Variants in PGM2L1 observed in about 807,000 individuals in gnomAD.
The protein encoded by PGM2L1 is glucose 1,6-bisphosphate synthase.
In PGM2L1, 35 loss-of-function variants were observed where a neutral mutation model predicts 73.4. The ratio of observed to expected loss-of-function variants is 0.48; its 90% CI spans 0.36 to 0.63. The LOEUF is 0.63. PGM2L1 is among the 30% of genes least tolerant of loss of function. PGM2L1 has a pLI of 0.00. For synonymous variants in PGM2L1, 225 were observed against 253.8 expected (o/e 0.89, Z 1.08); for missense variants, 570 against 742.0 (o/e 0.77, Z 2.69).
chr11:74,350,909 G>A (rs1178568481), intron 6 of PGM2L1, among the ~76,000 whole-genome samples: 2 of 142,970 alleles, frequency 1.4e-5, no homozygotes, highest in African/African-American at 2.9e-5. Context: ...GAGAGAGAGA[G>A]AGAGAGAGAA....
At chr11:74,345,941 C>T (rs889097389) in intron 8 of PGM2L1, among the ~76,000 whole-genome samples, 1 of 151,872 alleles carries the variant, frequency 6.6e-6, no homozygotes, top group Non-Finnish European at 1.5e-5. Context: ...ACATTTGTCA[C>T]ATTATAATGG....
chr11:74,365,393 C>G (rs1165385100), intron 5 of PGM2L1, among the ~76,000 whole-genome samples: 3 of 151,182 alleles, frequency 2.0e-5, no homozygotes, highest in Non-Finnish European at 4.4e-5. Context: ...AGAGCTTCTG[C>G]ACAGCAAAAT....
chr11:74,365,634 G>A (rs1862643574), intron 5 of PGM2L1, among the ~76,000 whole-genome samples: 1 of 152,160 alleles, frequency 6.6e-6, no homozygotes, highest in African/African-American at 2.4e-5. Flanking sequence ...CTGGCCATCA[G>A]AGAAATGCAA....
chr11:74,349,764 T>C (rs1465498716), intron 6 of PGM2L1, among the ~76,000 whole-genome samples: 3 of 152,180 alleles, frequency 2.0e-5, no homozygotes, highest in Non-Finnish European at 4.4e-5. Context: ...TTCACTTCTC[T>C]TAAACTAAAA....
intron 7 of PGM2L1, 144 bp downstream of exon 7, chr11:74,347,004 A>G (rs1051835800): frequency 1.1e-6 from 1 of 949,560 alleles, no homozygotes; most frequent in African/African-American, 1.7e-5. Flanking sequence ...CAAACAAAAC[A>G]CAGCCTATTA....
intron 5 of PGM2L1, chr11:74,355,360 C>T: frequency 3.0e-6 from 2 of 669,160 alleles, no homozygotes; most frequent in Non-Finnish European, 5.5e-6. Flanking sequence ...TCAACAGCAG[C>T]CTGGCCAATG....
In PGM2L1 at chr11:74,342,922, T is replaced by C. The variant is rs200719379; in HGVS notation, c.1405A>G (p.Ile469Val). The C allele has an allele frequency of 3.3e-5, 53 of 1,610,262 alleles. No individual in the cohort carries two copies. In the South Asian group the frequency reaches 3.5e-4, roughly 11 times the overall value. ...EMASYLETMN[I>V]TLKQQLVKVY... ...TTAACCAGTTGCTGTTTCAATGTTA[T>C]ATTCATGGTTTCCAGGTAAGATGCC... Residue 469 changes from isoleucine (I) to valine (V), a missense_variant, in exon 11 of 14, where the codon ATA becomes GTA. By Grantham distance (29) the Ile-to-Val change is conservative. Transcript: ENST00000298198.
At chr11:74,375,700 A>G in intron 1 of PGM2L1, among the ~76,000 whole-genome samples, 1 of 152,320 alleles carries the variant, frequency 6.6e-6, no homozygotes, top group Non-Finnish European at 1.5e-5. Flanking sequence ...TAAAGTAACC[A>G]GAGTACATGG....
chr11:74,390,868 G>A (rs1015043384), intron 1 of PGM2L1, among the ~76,000 whole-genome samples: 7 of 152,126 alleles, frequency 4.6e-5, no homozygotes, highest in African/African-American at 1.7e-4. Context: ...GACAAATATT[G>A]TATGATGCCA....
intron 8 of PGM2L1, among the ~76,000 whole-genome samples, chr11:74,346,206 G>A (rs972210995): frequency 1.4e-5 from 2 of 138,990 alleles, no homozygotes; most frequent in East Asian, 4.5e-4. Flanking sequence ...AGAGGCTGCA[G>A]TGAGCCAAGA....
intron 1 of PGM2L1, among the ~76,000 whole-genome samples, chr11:74,396,057 G>A (rs985783400): frequency 2.0e-5 from 3 of 151,692 alleles, no homozygotes; most frequent in African/African-American, 7.3e-5. Context: ...TTCAAGACAA[G>A]CCTGGGCAAC....
chr11:74,371,853 G>A (rs1411493678), intron 2 of PGM2L1, 36 bp from the exon 3 acceptor site: 1 of 1,477,326 alleles, frequency 6.8e-7, no homozygotes, highest in African/African-American at 1.4e-5. Flanking sequence ...AGTTCTAATG[G>A]ATGCTTGCAT....
At chr11:74,374,826 G>T (rs908191115) in intron 1 of PGM2L1, among the ~76,000 whole-genome samples, 1 of 152,140 alleles carries the variant, frequency 6.6e-6, no homozygotes, top group Admixed American at 6.6e-5. Flanking sequence ...GCATATCAAA[G>T]AATGTTCTTT....
At position 74,398,392 on chromosome 11, in the gene PGM2L1, T is replaced by G; in HGVS notation, c.-231A>C. ...ACCAGGTCCGGGTCTCTGGGCGAAG[T>G]GACTGAGGCGGTCGCGCCGCGAGAG... On this transcript the variant is annotated 5_prime_UTR_variant, in exon 1 of 14. Coordinates refer to ENST00000298198, the MANE Select transcript of PGM2L1 (RefSeq NM_173582.6). 1 of 536,220 alleles carries G rather than the reference T, an allele frequency of 1.9e-6. No individual in the cohort carries two copies. Among genetic ancestry groups the G allele is most frequent in the East Asian group, 3.9e-5 (1 of 25,784 alleles). The allele number at this position is 536,220 out of a possible 1,614,324, so 33.2% of individuals were successfully genotyped here. A position where few individuals can be genotyped will look rare whatever the true frequency, so the allele number is the denominator to read the frequency against.
rs1046996865 is a variant in PGM2L1, at chr11:74,366,585, G to A, written c.555+1907C>T. On this transcript the variant is annotated intron_variant, in intron 5 of 13. Transcript: ENST00000298198. ...AAGATCCTTCAAGGAAGCACTATCTGAGTAGGAACCCAAAGGATAAAAATA... is the reference window on the plus strand; with the variant it reads ...AAGATCCTTCAAGGAAGCACTATCTAAGTAGGAACCCAAAGGATAAAAATA... Among the ~76,000 whole-genome samples, 4 of 151,882 alleles carry A rather than the reference G, an allele frequency of 2.6e-5. No individual in the cohort carries two copies. In the South Asian group the frequency reaches 8.3e-4, roughly 32 times the overall value.
intron 5 of PGM2L1, chr11:74,354,459 C>A: frequency 1.2e-6 from 1 of 829,638 alleles, no homozygotes; most frequent in South Asian, 1.5e-5. Context: ...AAGTCAGAGT[C>A]TCCTAAAGAG....
chr11:74,362,464 GC>G (rs1291570902), intron 5 of PGM2L1, among the ~76,000 whole-genome samples: 5 of 152,160 alleles, frequency 3.3e-5, no homozygotes, highest in African/African-American at 1.2e-4. Context: ...GACTATTAAT[GC>G]TAGGAAGAAA....
At chr11:74,374,116 G>A (rs902987891) in intron 2 of PGM2L1, among the ~76,000 whole-genome samples, 6 of 146,328 alleles carry the variant, frequency 4.1e-5, no homozygotes, top group African/African-American at 1.3e-4. Flanking sequence ...ACAGAGTCTC[G>A]CTCTGTTGCC....
chr11:74,388,382 T>C (rs1256966212), intron 1 of PGM2L1, among the ~76,000 whole-genome samples: 1 of 152,232 alleles, frequency 6.6e-6, no homozygotes, highest in Non-Finnish European at 1.5e-5. Flanking sequence ...TCTCTCTTTA[T>C]ATCTATATAT....
Sources: gnomAD v4.1 joint callset for allele counts (sites outside exome capture counted in the v4.1 genomes callset) on GRCh38, gnomAD v4.1.1 for gene constraint, MANE v1.5 for transcripts, NCBI Gene and HGNC (gene_info 2026-07-23, HGNC 2026-07-21) for gene names.